RREB1: variants seen among roughly 807,000 people sequenced by gnomAD.
The protein encoded by RREB1 is ras responsive element binding protein 1.
RREB1 carries 27 observed loss-of-function variants against 117.8 expected under a neutral mutation model. The observed-to-expected ratio is 0.23, with a 90% CI of 0.17 to 0.32. RREB1 has a LOEUF of 0.32. Among genes scored for constraint, RREB1 ranks in the 10% least tolerant of loss-of-function variants. The pLI, the probability that RREB1 is intolerant of heterozygous loss-of-function variation, is 1.00. For missense variants in RREB1, 2,577 were observed against 2,378.2 expected (o/e 1.08, Z -1.74); for synonymous variants, 1,298 against 1,026.7 (o/e 1.26, Z -5.05).
chr6:7,113,927 A>G lies in RREB1; in HGVS notation c.-285+5867A>G, dbSNP rs185934702. Among the ~76,000 whole-genome samples the G allele has an allele frequency of 1.1e-4, 17 of 152,366 alleles. No individual in the cohort carries two copies. The East Asian group carries it at 3.1e-3, about 28-fold the overall frequency. Reference sequence around the variant, plus strand: ...TAGATGTTCCAGAAAGTCAAAATCTATAAACGGAAGAAAGTGGTATATTTT... The same window carrying G: ...TAGATGTTCCAGAAAGTCAAAATCTGTAAACGGAAGAAAGTGGTATATTTT... On this transcript the variant is annotated intron_variant, in intron 1 of 12. Transcript: ENST00000379938.
intron 10 of RREB1, among the ~76,000 whole-genome samples, chr6:7,232,935 C>A (rs1392898622): frequency 6.6e-6 from 1 of 152,026 alleles, no homozygotes; most frequent in Non-Finnish European, 1.5e-5. Flanking sequence ...CGCTCTGTTA[C>A]CCAGGCTGGA....
chr6:7,140,055 A>G (rs901827904), intron 1 of RREB1, among the ~76,000 whole-genome samples: 7 of 152,218 alleles, frequency 4.6e-5, no homozygotes, highest in Non-Finnish European at 8.8e-5. Context: ...AGAGAGTCCA[A>G]GGTCACATGG....
chr6:7,180,371 T>C (rs548640439), intron 2 of RREB1, among the ~76,000 whole-genome samples: 20 of 152,338 alleles, frequency 1.3e-4, no homozygotes, highest in South Asian at 6.2e-4. Context: ...TATTCTTCCT[T>C]GTGTTGTTCC....
At chr6:7,160,766 A>G (rs1300666458) in intron 1 of RREB1, among the ~76,000 whole-genome samples, 1 of 151,756 alleles carries the variant, frequency 6.6e-6, no homozygotes, top group African/African-American at 2.4e-5. Flanking sequence ...AGCTCACTGC[A>G]ACCTCCGACT....
intron 8 of RREB1, chr6:7,212,886 C>T (rs1766695628): frequency 6.6e-6 from 1 of 152,160 alleles, no homozygotes; most frequent in Non-Finnish European, 1.5e-5. Context: ...ATTAGCCTGA[C>T]ATTTTTCCAT....
At position 7,249,097 on chromosome 6, in the gene RREB1, G is replaced by T; in HGVS notation, c.*129G>T. ...AGAGAGAGAGAGAGAGAGAGAGAGA[G>T]AGAGAGACAAGCAGGAGCGTGGCTG... On this transcript the variant is annotated 3_prime_UTR_variant, in exon 13 of 13. Transcript: ENST00000379938. 1.5e-6 allele frequency: 1 copy of T among 670,830 alleles called. No individual in the cohort carries two copies. Among genetic ancestry groups the T allele is most frequent in the Non-Finnish European group, 2.3e-6 (1 of 426,096 alleles). The allele number at this position is 670,830 out of a possible 1,614,324, so 41.6% of individuals were successfully genotyped here.
In RREB1 at chr6:7,146,177, A is replaced by T. The variant is rs370112421; in HGVS notation, c.-284-30478A>T. On this transcript the variant is annotated intron_variant, in intron 1 of 12. Coordinates refer to ENST00000379938, the MANE Select transcript of RREB1 (RefSeq NM_001003699.4). ...GGCAGAACATGGATGTGAATAAAAC[A>T]CTTTGTGGAGCCTGTTGTGTGAGAA... Among the ~76,000 whole-genome samples the T allele has an allele frequency of 2.0e-5, 3 of 151,972 alleles. No individual in the cohort carries two copies. In the East Asian group the frequency reaches 5.8e-4, roughly 29 times the overall value.
At chr6:7,158,566 A>G (rs903695012) in intron 1 of RREB1, among the ~76,000 whole-genome samples, 1 of 151,982 alleles carries the variant, frequency 6.6e-6, no homozygotes, top group African/African-American at 2.4e-5. Context: ...CTCCACCTCC[A>G]TACCCTTCCT....
At chr6:7,128,724 T>A (rs1762035055) in intron 1 of RREB1, among the ~76,000 whole-genome samples, 1 of 152,194 alleles carries the variant, frequency 6.6e-6, no homozygotes, top group South Asian at 2.1e-4. Context: ...ATCCCAGCAC[T>A]TTAGGAGGCC....
Position 7,231,274 on chromosome 6 carries a change from A to T in RREB1, c.3175A>T (p.Thr1059Ser). The change falls in exon 10 of 13, where the codon ACA becomes TCA. Residue 1059 changes from threonine (T) to serine (S), a missense_variant. Coordinates refer to ENST00000379938, the MANE Select transcript of RREB1 (RefSeq NM_001003699.4). Reference protein sequence around the residue: ...PPLLLPKPPVTEELPPLASIA... With the variant: ...PPLLLPKPPVSEELPPLASIA... ...GCTGCTTTTGCCAAAGCCCCCCGTG[A>T]CAGAAGAGCTGCCCCCGCTGGCCTC... 1 of 1,610,130 alleles carries T rather than the reference A, an allele frequency of 6.2e-7. No homozygotes were observed.
In RREB1 at chr6:7,236,293, C is replaced by T. The variant is rs1041640913; in HGVS notation, c.3809-4145C>T. ...GCTTGGGACTATGGGGTGTCCATTC[C>T]GGGCTTCCCTGGCTTGCTTACTTTC... is the stretch of plus-strand genomic sequence containing the variant. On this transcript the variant is annotated intron_variant, in intron 10 of 12. Transcript: ENST00000379938. 3.9e-5 allele frequency among the ~76,000 whole-genome samples: 6 copies of T among 152,140 alleles called. 1 individual carries two copies. The highest frequency in any genetic ancestry group is 5.9e-5 in the Non-Finnish European group (4 of 68,018).
chr6:7,212,305 T>C (rs1006195100), intron 8 of RREB1: 2 of 152,360 alleles, frequency 1.3e-5, no homozygotes, highest in African/African-American at 4.8e-5. Flanking sequence ...CAGCTTCAAT[T>C]GTAGGGGCTT....
At chr6:7,242,798 T>A (rs1490516664) in intron 11 of RREB1, among the ~76,000 whole-genome samples, 3 of 152,074 alleles carry the variant, frequency 2.0e-5, no homozygotes, top group Non-Finnish European at 2.9e-5. Context: ...ACATGTTTTA[T>A]AATGTAGGTC....
intron 1 of RREB1, among the ~76,000 whole-genome samples, chr6:7,169,556 C>T (rs930447940): frequency 6.6e-6 from 1 of 152,198 alleles, no homozygotes; most frequent in African/African-American, 2.4e-5. Context: ...CTGCTGTGTC[C>T]CCTCCCAGGG....
intron 1 of RREB1, among the ~76,000 whole-genome samples, chr6:7,162,744 C>T (rs530642722): frequency 2.3e-4 from 35 of 152,280 alleles, no homozygotes; most frequent in Middle Eastern, 6.8e-3. Context: ...TCTCTGCCTA[C>T]GGATTGGATA....
chr6:7,145,277 C>T (rs1762807119), intron 1 of RREB1, among the ~76,000 whole-genome samples: 1 of 152,212 alleles, frequency 6.6e-6, no homozygotes, highest in Non-Finnish European at 1.5e-5. Flanking sequence ...TGACCTGGAC[C>T]TTTCAACTGA....
At chr6:7,111,912 T>A (rs1421178364) in intron 1 of RREB1, among the ~76,000 whole-genome samples, 10 of 152,230 alleles carry the variant, frequency 6.6e-5, no homozygotes, top group African/African-American at 2.4e-4. Context: ...AAGTTATGTC[T>A]TTTATTCCGC....
At chr6:7,154,588 G>A (rs1278435613) in intron 1 of RREB1, among the ~76,000 whole-genome samples, 1 of 152,170 alleles carries the variant, frequency 6.6e-6, no homozygotes. Context: ...CTATTTCTCA[G>A]AACAGTCATA....
rs118189365 is a variant in RREB1, at chr6:7,164,840, C to G, written c.-284-11815C>G. ...GCGAGGGGTCCAGTGTATTCCAGGC[C>G]ATTTGCTTGTGCAAGGACATGGTGT... On this transcript the variant is annotated intron_variant, in intron 1 of 12. Coordinates refer to ENST00000379938, the MANE Select transcript of RREB1 (RefSeq NM_001003699.4). Among the ~76,000 whole-genome samples, 347 of 152,332 alleles carry G rather than the reference C, an allele frequency of 2.3e-3. 2 individuals are homozygous for G. The highest frequency in any genetic ancestry group is 0.022 in the East Asian group (115 of 5,194).
Sources: gnomAD v4.1 joint callset for allele counts (sites outside exome capture counted in the v4.1 genomes callset) on GRCh38, gnomAD v4.1.1 for gene constraint, MANE v1.5 for transcripts, NCBI Gene and HGNC (gene_info 2026-07-23, HGNC 2026-07-21) for gene names.